The following TAL1 variants were observed in gnomAD, a reference collection of about 807,000 sequenced individuals.
TAL1 encodes TAL bHLH transcription factor 1, erythroid differentiation factor.
A neutral mutation model predicts 17.9 loss-of-function variants in TAL1; 8 were observed. That is an observed-to-expected ratio of 0.45 (90% CI 0.26 to 0.81). The LOEUF (loss-of-function observed/expected upper bound fraction) is 0.81, where lower values mean the gene tolerates loss of function less well. Among genes scored for constraint, TAL1 ranks in the 30% least tolerant of loss-of-function variants. The pLI, the probability that TAL1 is intolerant of heterozygous loss-of-function variation, is 0.17. For missense variants in TAL1, 466 were observed against 486.9 expected (o/e 0.96, Z 0.40); for synonymous variants, 223 against 218.6 (o/e 1.02, Z -0.18).
chr1:47,225,228 T>C (rs2148590976), intron 2 of TAL1, among the ~76,000 whole-genome samples: 1 of 151,984 alleles, frequency 6.6e-6, no homozygotes. Flanking sequence ...ACACGCACAC[T>C]CTCTCTCACA....
chr1:47,223,907 T>C, intron 3 of TAL1, 97 bp downstream of exon 4: 1 of 1,229,276 alleles, frequency 8.1e-7, no homozygotes, highest in East Asian at 2.4e-5. Flanking sequence ...CGCCCATCTT[T>C]GTGAGATACC....
chr1:47,216,500 T>C (rs566556952), exon 4 of TAL1: 5 of 230,552 alleles, frequency 2.2e-5, no homozygotes, highest in East Asian at 6.2e-5. Flanking sequence ...CAGTACAACG[T>C]TGACGGAAAG....
upstream of TAL1, chr1:47,231,755 C>T (rs1644018330): frequency 8.6e-6 from 2 of 233,748 alleles, no homozygotes; most frequent in Non-Finnish European, 1.7e-5. Context: ...ACACCCCAAC[C>T]GCGCAGGCAC....
rs1033558656 is a variant in TAL1 at position 47,216,765 on chromosome 1, G to T, written c.*2955C>A. On this transcript the variant is annotated 3_prime_UTR_variant, in exon 4 of 4. Coordinates refer to ENST00000294339, the Ensembl canonical transcript of TAL1. The stretch of plus-strand genomic sequence containing the variant: ...TTAAAAGATGTGATTCCCTTCAGTG[G>T]TTATGGTCATCTTTGTTCTCAAAAT... 3 of 231,690 alleles carry T rather than the reference G, an allele frequency of 1.3e-5. No homozygotes were observed. The East Asian group carries it at 1.8e-4, about 14-fold the overall frequency. The allele number at this position is 231,690 out of a possible 1,614,324, so 14.4% of individuals were successfully genotyped here.
chr1:47,225,967 G>C, intron 1 of TAL1, 78 bp from the exon 3 acceptor site: 1 of 1,446,350 alleles, frequency 6.9e-7, no homozygotes, highest in Admixed American at 2.3e-5. Flanking sequence ...TGGGGTAAAG[G>C]GGAGAAGGGC....
At chr1:47,222,491 G>A (rs1179017591) in intron 3 of TAL1, among the ~76,000 whole-genome samples, 1 of 152,116 alleles carries the variant, frequency 6.6e-6, no homozygotes, top group African/African-American at 2.4e-5. Flanking sequence ...CCAATACATG[G>A]TAGTAGCAAT....
chr1:47,225,607 GC>G lies in TAL1; in HGVS notation c.281del (p.Cys94SerfsTer28). On this transcript the variant is annotated frameshift_variant, in exon 2 of 4. Coordinates refer to ENST00000294339, the Ensembl canonical transcript of TAL1. LOFTEE classifies it high-confidence loss of function. ...GGGCCGGGGCGGGCCCGGGAGGTCTGCACAGCTCGGTGGTGGGCACCCGATG... is the reference window on the plus strand; with the variant it reads ...GGGCCGGGGCGGGCCCGGGAGGTCTGACAGCTCGGTGGTGGGCACCCGATG... 7.3e-7 allele frequency: 1 copy of G among 1,372,974 alleles called. No individual in the cohort carries two copies. The highest frequency in any genetic ancestry group is 1.7e-5 in the South Asian group (1 of 58,172). 85.0% of individuals were successfully genotyped at this position (1,372,974 alleles called of 1,614,324 possible). A position where few individuals can be genotyped will look rare whatever the true frequency, so the allele number is the denominator to read the frequency against.
At chr1:47,224,028 G>A (rs1376450643) in exon 3 of TAL1, 1 of 1,613,896 alleles carries the variant, frequency 6.2e-7, no homozygotes, top group Non-Finnish European at 8.5e-7. Flanking sequence ...ATCTCATAGG[G>A]GGAAGGTCTC....
At chr1:47,226,673 T>C (rs1248850940) in intron 1 of TAL1, among the ~76,000 whole-genome samples, 4 of 152,130 alleles carry the variant, frequency 2.6e-5, no homozygotes, top group Non-Finnish European at 5.9e-5. Flanking sequence ...GGGAAGAAGA[T>C]GGTGCTGGCC....
At chr1:47,219,610 G>A in exon 4 of TAL1, 4 of 1,511,180 alleles carry the variant, frequency 2.6e-6, no homozygotes, top group Non-Finnish European at 3.6e-6. Context: ...GAAAGTTCAA[G>A]TCCACCGCCT....
chr1:47,225,733 G>A, exon 2 of TAL1: 1 of 1,522,526 alleles, frequency 6.6e-7, no homozygotes, highest in South Asian at 1.2e-5. Context: ...CGCCCAGTTC[G>A]ATGACTGGGG....
intron 3 of TAL1, among the ~76,000 whole-genome samples, chr1:47,222,775 T>C (rs1643843642): frequency 6.6e-6 from 1 of 151,870 alleles, no homozygotes; most frequent in Non-Finnish European, 1.5e-5. Flanking sequence ...GCTCGGTAAA[T>C]ATTGCCAACA....
chr1:47,224,012 A>G lies in TAL1; in HGVS notation c.533T>C (p.Ile178Thr), dbSNP rs371590028. 8.4e-5 allele frequency: 136 copies of G among 1,613,662 alleles called. No homozygotes were observed. The highest frequency in any genetic ancestry group is 1.1e-4 in the Non-Finnish European group (130 of 1,179,922). The change falls in exon 3 of 4, where the codon ATT (isoleucine) becomes ACT (threonine). Residue 178 changes from isoleucine to threonine, a missense_variant. Physicochemically the swap from Ile to Thr is moderately conservative, Grantham distance 89. Transcript: ENST00000294339. ...GGGTGGGGCAGACTCACCATCAGTA[A>G]TCTCCATCTCATAGGGGGAAGGTCT...
At chr1:47,219,724 C>A in exon 4 of TAL1, 1 of 1,609,100 alleles carries the variant, frequency 6.2e-7, no homozygotes, top group Non-Finnish European at 8.5e-7. Flanking sequence ...GACCCATCAC[C>A]GAGGGCCGGC....
chr1:47,219,894 G>GGCCCCCCCCCCCCCCCCC, exon 4 of TAL1: 4 of 1,556,010 alleles, frequency 2.6e-6, no homozygotes, highest in East Asian at 2.3e-5. Context: ...CTGGGGGCGC[G>GGCCCCCCCCCCCCCCCCC]CCGCCCCCTC....
intron 3 of TAL1, among the ~76,000 whole-genome samples, chr1:47,221,482 G>T (rs530014299): frequency 4.6e-5 from 7 of 152,348 alleles, no homozygotes; most frequent in Middle Eastern, 3.4e-3. Context: ...ACTCACTGGG[G>T]ATTTGTAAAG....
exon 4 of TAL1, chr1:47,217,962 T>C (rs994262149): frequency 1.0e-5 from 4 of 392,864 alleles, no homozygotes; most frequent in African/African-American, 8.2e-5. Context: ...AGGTGAACAA[T>C]GTTGCCCCAA....
At chr1:47,231,911 G>T (rs79783785), upstream of TAL1, among the ~76,000 whole-genome samples, 2 of 152,110 alleles carry the variant, frequency 1.3e-5, no homozygotes, top group Admixed American at 6.5e-5. Flanking sequence ...ACAGCCTCGC[G>T]CATTTCTGTA....
intron 1 of TAL1, among the ~76,000 whole-genome samples, chr1:47,226,609 C>T (rs741958): frequency 0.92 from 140,270 of 152,296 alleles, 65,036 homozygotes; most frequent in African/African-American, 0.98. Context: ...TGTGAGTCCT[C>T]TGCCCGCCCA....
Sources: allele counts gnomAD v4.1 joint callset (sites outside exome capture counted in the v4.1 genomes callset), GRCh38; gene constraint gnomAD v4.1.1; transcripts MANE v1.5; gene names NCBI Gene and HGNC (gene_info 2026-07-23, HGNC 2026-07-21).